Variants in PRKG1 observed in about 807,000 individuals in gnomAD.
PRKG1 encodes cGMP-dependent protein kinase 1.
A neutral mutation model predicts 88.1 loss-of-function variants in PRKG1; 35 were observed. The observed-to-expected ratio is 0.40, with a 90% CI of 0.30 to 0.53. The LOEUF is 0.53. Ranked by LOEUF, PRKG1 falls within the 20% of genes least tolerant of loss-of-function variation. PRKG1 has a pLI of 0.59. For synonymous variants in PRKG1, 303 were observed against 292.5 expected (o/e 1.04, Z -0.37); for missense variants, 540 against 839.8 (o/e 0.64, Z 4.41).
At chr10:51,284,055 T>C (rs1840370187) in intron 2 of PRKG1, among the ~76,000 whole-genome samples, 1 of 152,208 alleles carries the variant, frequency 6.6e-6, no homozygotes. Flanking sequence ...GATTTGACTG[T>C]GATGCTGGAC....
chr10:51,149,870 T>G (rs1046752952), intron 1 of PRKG1, among the ~76,000 whole-genome samples: 1 of 151,960 alleles, frequency 6.6e-6, no homozygotes, highest in African/African-American at 2.4e-5. Context: ...CTTCCTCCGC[T>G]TTTCTCCACC....
chr10:52,030,056 C>T (rs1845439604), intron 5 of PRKG1, among the ~76,000 whole-genome samples: 1 of 152,156 alleles, frequency 6.6e-6, no homozygotes, highest in Admixed American at 6.6e-5. Context: ...TGTGATGCAT[C>T]CCTGTTTAAA....
At chr10:51,702,392 T>C (rs1188249754) in intron 3 of PRKG1, among the ~76,000 whole-genome samples, 1 of 152,216 alleles carries the variant, frequency 6.6e-6, no homozygotes, top group African/African-American at 2.4e-5. Flanking sequence ...AATCAAGAGC[T>C]CAGATAAACC....
chr10:51,503,474 C>T (rs1344456324), intron 3 of PRKG1, among the ~76,000 whole-genome samples: 1 of 152,150 alleles, frequency 6.6e-6, no homozygotes, highest in Non-Finnish European at 1.5e-5. Flanking sequence ...GCTGCACTGT[C>T]ATCCCTGTCT....
In PRKG1 at chr10:51,283,195, C is replaced by T. The variant is rs189668930; in HGVS notation, c.478+129865C>T. ...GATGTTATTAAGAAACAAGGAAAAT[C>T]GTGGAGAAGCATAGAAACTATAAGG... On this transcript the variant is annotated intron_variant, in intron 2 of 17. Transcript: ENST00000373980. 2.6e-5 allele frequency among the ~76,000 whole-genome samples: 4 copies of T among 151,510 alleles called. No homozygotes were observed. The East Asian group carries it at 5.8e-4, about 22-fold the overall frequency.
chr10:52,210,185 A>C (rs539425677), intron 9 of PRKG1, among the ~76,000 whole-genome samples: 50 of 151,948 alleles, frequency 3.3e-4, no homozygotes, highest in African/African-American at 1.2e-3. Context: ...CATCATTGTC[A>C]CTCTCCTAAT....
intron 7 of PRKG1, among the ~76,000 whole-genome samples, chr10:52,122,432 A>G (rs752354383): frequency 4.6e-5 from 7 of 152,232 alleles, no homozygotes; most frequent in Non-Finnish European, 8.8e-5. Flanking sequence ...TTCTATTTAT[A>G]TCTTCTACTC....
chr10:51,660,727 T>C (rs960180530), intron 3 of PRKG1, among the ~76,000 whole-genome samples: 8 of 152,106 alleles, frequency 5.3e-5, no homozygotes, highest in Admixed American at 4.6e-4. Context: ...ATGATCCTTC[T>C]GAAGCTGCTT....
chr10:52,059,587 A>C (rs1320491299), intron 6 of PRKG1, among the ~76,000 whole-genome samples: 1 of 151,942 alleles, frequency 6.6e-6, no homozygotes, highest in Non-Finnish European at 1.5e-5. Flanking sequence ...AAAAGATAAA[A>C]TTAGTTTGAT....
intron 3 of PRKG1, among the ~76,000 whole-genome samples, chr10:51,795,144 A>T (rs929350670): frequency 1.3e-4 from 20 of 152,110 alleles, no homozygotes; most frequent in Non-Finnish European, 2.2e-4. Flanking sequence ...GGTTTCCAAC[A>T]ATTATTGGAA....
intron 7 of PRKG1, among the ~76,000 whole-genome samples, chr10:52,118,984 T>C (rs953851248): frequency 6.6e-6 from 1 of 152,286 alleles, no homozygotes; most frequent in African/African-American, 2.4e-5. Flanking sequence ...TACACATTTA[T>C]TACATTTTCT....
chr10:52,050,600 A>G (rs556908471), intron 5 of PRKG1, among the ~76,000 whole-genome samples: 1 of 152,206 alleles, frequency 6.6e-6, no homozygotes, highest in South Asian at 2.1e-4. Context: ...CATAAATATT[A>G]TCTTTCCCAA....
At chr10:51,140,938 C>T (rs1845806233) in intron 1 of PRKG1, among the ~76,000 whole-genome samples, 1 of 152,164 alleles carries the variant, frequency 6.6e-6, no homozygotes, top group Admixed American at 6.5e-5. Flanking sequence ...CTTCTGTCTG[C>T]CCTCTGAATT....
intron 9 of PRKG1, among the ~76,000 whole-genome samples, chr10:52,164,524 C>T (rs1838377130): frequency 6.6e-6 from 1 of 151,952 alleles, no homozygotes; most frequent in East Asian, 1.9e-4. Flanking sequence ...AAGCAACATA[C>T]TTTTACTTGA....
chr10:51,228,500 C>G (rs550904017), intron 2 of PRKG1, among the ~76,000 whole-genome samples: 2 of 152,056 alleles, frequency 1.3e-5, no homozygotes, highest in Admixed American at 1.3e-4. Flanking sequence ...TAATCCTGTC[C>G]CCAGATCATG....
chr10:52,180,184 G>T (rs1332120209), intron 9 of PRKG1, among the ~76,000 whole-genome samples: 3 of 151,948 alleles, frequency 2.0e-5, no homozygotes, highest in Non-Finnish European at 4.4e-5. Context: ...TCTTTCTTTT[G>T]TTTGGTTAGT....
upstream of PRKG1, among the ~76,000 whole-genome samples, chr10:51,073,897 A>G (rs1287957388): frequency 3.9e-5 from 6 of 152,162 alleles, no homozygotes; most frequent in African/African-American, 1.4e-4. Context: ...GCTCGGCCAC[A>G]CCGCTCGGGA....
chr10:51,477,701 A>G (rs1840238311), intron 3 of PRKG1, among the ~76,000 whole-genome samples: 1 of 152,034 alleles, frequency 6.6e-6, no homozygotes, highest in South Asian at 2.1e-4. Flanking sequence ...GGTGCTATGA[A>G]AGCAAGAAAT....
At chr10:51,565,991 T>G (rs575639412) in intron 3 of PRKG1, among the ~76,000 whole-genome samples, 1 of 152,214 alleles carries the variant, frequency 6.6e-6, no homozygotes, top group South Asian at 2.1e-4. Context: ...AAAATAGATA[T>G]AGCAGACTTA....
Sources: allele counts gnomAD v4.1 joint callset (sites outside exome capture counted in the v4.1 genomes callset), GRCh38; gene constraint gnomAD v4.1.1; transcripts MANE v1.5; gene names NCBI Gene and HGNC (gene_info 2026-07-23, HGNC 2026-07-21).